The following SOX5 variants were observed in gnomAD, a reference collection of about 807,000 sequenced individuals.
SOX5 encodes SRY-box transcription factor 5.
A neutral mutation model predicts 92.0 loss-of-function variants in SOX5; 9 were observed. That is an observed-to-expected ratio of 0.10 (90% CI 0.06 to 0.17). SOX5 has a LOEUF of 0.17. SOX5 is among the 10% of genes least tolerant of loss of function. The pLI is 1.00. For synonymous variants in SOX5, 344 were observed against 336.3 expected, an observed-to-expected ratio of 1.02 and a Z score of -0.25; for missense variants, 642 against 944.5, an observed-to-expected ratio of 0.68 and a Z score of 4.20.
At chr12:23,660,760 C>T (rs2082929354) in intron 7 of SOX5, among the ~76,000 whole-genome samples, 1 of 151,618 alleles carries the variant, frequency 6.6e-6, no homozygotes, top group South Asian at 2.1e-4. Flanking sequence ...AGTTTCCAAA[C>T]TTTCTTTGAT....
At position 23,741,328 on chromosome 12, in the gene SOX5, G is replaced by T. The variant is rs140462370; in HGVS notation, c.569-289C>A. On this transcript the variant is annotated intron_variant, in intron 4 of 14. Transcript: ENST00000451604. ...TTGAATGTTTTTACACTTATGACCA[G>T]TAATAATCTATAGTTTTTTTTAACT... Among the ~76,000 whole-genome samples, 144 of 152,152 alleles carry T rather than the reference G, an allele frequency of 9.5e-4. 1 individual carries two copies. The East Asian group carries it at 0.023, about 24-fold the overall frequency.
At chr12:23,707,435 T>C (rs923396998) in intron 6 of SOX5, among the ~76,000 whole-genome samples, 2 of 152,078 alleles carry the variant, frequency 1.3e-5, no homozygotes, top group Admixed American at 6.6e-5. Flanking sequence ...GGAACATGAG[T>C]CAGACTGAAT....
chr12:23,816,046 CTTGTT>C (rs959093118), intron 3 of SOX5, among the ~76,000 whole-genome samples: 1 of 151,888 alleles, frequency 6.6e-6, no homozygotes, highest in African/African-American at 2.4e-5. Context: ...AAACATTATT[CTTGTT>C]TTAATTTTTT....
In SOX5 at chr12:24,393,832, CT is replaced by C. The variant is rs1371758403; in HGVS notation, c.-250-25194del. 6.6e-6 allele frequency among the ~76,000 whole-genome samples: 1 copy of C among 152,158 alleles called. No individual in the cohort carries two copies. Among genetic ancestry groups the C allele is most frequent in the Non-Finnish European group, 1.5e-5 (1 of 68,024 alleles). ...ATTACATATGCAATACAACACATAC[CT>C]CTTTCTTCAAAAGTTTAAAAGAGAA... On this transcript the variant is annotated intron_variant, in intron 1 of 4. Coordinates refer to the SOX5 transcript ENST00000446891. The surrounding 1 kb of genome is among the most constrained non-coding windows in gnomAD (Gnocchi z 5.0).
chr12:24,105,091 A>G (rs1034883439), intron 4 of SOX5, among the ~76,000 whole-genome samples: 3 of 152,198 alleles, frequency 2.0e-5, no homozygotes, highest in African/African-American at 7.2e-5. Context: ...TGTCATTTAT[A>G]TCATTGGTAG....
chr12:24,528,683 G>T (rs921348088), intron 1 of SOX5, among the ~76,000 whole-genome samples: 3 of 152,168 alleles, frequency 2.0e-5, no homozygotes, highest in African/African-American at 4.8e-5. Context: ...CAGGAAACCT[G>T]GGTCTCTGAC....
intron 2 of SOX5, among the ~76,000 whole-genome samples, chr12:23,873,018 GAA>G (rs1187161586): frequency 6.6e-6 from 1 of 152,144 alleles, no homozygotes; most frequent in Non-Finnish European, 1.5e-5. Flanking sequence ...ACAAAATACA[GAA>G]AAGTTTACTT....
chr12:23,752,995 T>C (rs186566852), intron 4 of SOX5, among the ~76,000 whole-genome samples: 20 of 151,886 alleles, frequency 1.3e-4, no homozygotes, highest in Admixed American at 1.1e-3. Flanking sequence ...GGTAAAATAA[T>C]CCAACATGAA....
rs74904384 is a variant in SOX5 at position 24,342,385 on chromosome 12, A to C, written c.-174+26178T>G. ...GATCCAGAACTAATATACCTTCATT[A>C]TCCTATTAGATCTCTCCATCTGGAT... On this transcript the variant is annotated intron_variant, in intron 2 of 4. Coordinates refer to the SOX5 transcript ENST00000446891. Among the ~76,000 whole-genome samples the C allele has an allele frequency of 2.0e-4, 30 of 152,316 alleles. 2 individuals are homozygous for C. The East Asian group carries it at 5.8e-3, about 29-fold the overall frequency.
At chr12:23,986,828 T>G (rs1030211556) in intron 4 of SOX5, among the ~76,000 whole-genome samples, 1 of 150,448 alleles carries the variant, frequency 6.6e-6, no homozygotes, top group Non-Finnish European at 1.5e-5. Flanking sequence ...GTTTGTTTTA[T>G]AGATTTTATC....
At chr12:23,692,764 C>A (rs2089104969) in intron 6 of SOX5, among the ~76,000 whole-genome samples, 1 of 152,154 alleles carries the variant, frequency 6.6e-6, no homozygotes, top group Non-Finnish European at 1.5e-5. Flanking sequence ...TTTTCCACAA[C>A]AGTGGCTGTT....
intron 3 of SOX5, among the ~76,000 whole-genome samples, chr12:23,765,385 C>CAAAAAAAAAAA (rs373571301): frequency 6.4e-5 from 2 of 31,432 alleles, no homozygotes; most frequent in African/African-American, 1.5e-4. Flanking sequence ...TGTAAAACAG[C>CAAAAAAAAAAA]AAAAAAAAAA....
At chr12:23,797,824 T>A (rs954659543) in intron 3 of SOX5, among the ~76,000 whole-genome samples, 1 of 152,074 alleles carries the variant, frequency 6.6e-6, no homozygotes. Context: ...ATGTAGCCTC[T>A]CTTTACCTCT....
chr12:24,361,347 G>A (rs1400096500), intron 2 of SOX5, among the ~76,000 whole-genome samples: 1 of 152,092 alleles, frequency 6.6e-6, no homozygotes, highest in African/African-American at 2.4e-5. Flanking sequence ...ACTCTGCCTG[G>A]GTGTGAATCC....
intron 6 of SOX5, among the ~76,000 whole-genome samples, chr12:23,699,844 G>A (rs956845348): frequency 2.6e-5 from 4 of 152,066 alleles, no homozygotes; most frequent in African/African-American, 7.2e-5. Context: ...TAAAATAAGG[G>A]GAAGCAGTGT....
chr12:24,115,991 C>A (rs1947948002), intron 4 of SOX5, among the ~76,000 whole-genome samples: 1 of 151,758 alleles, frequency 6.6e-6, no homozygotes, highest in South Asian at 2.1e-4. Flanking sequence ...TGAAGAGACA[C>A]AATTAATAGC....
intron 3 of SOX5, among the ~76,000 whole-genome samples, chr12:23,816,035 G>A (rs995649438): frequency 2.6e-5 from 4 of 152,022 alleles, no homozygotes; most frequent in Non-Finnish European, 5.9e-5. Context: ...CATGTGTCAT[G>A]AAACATTATT....
intron 6 of SOX5, among the ~76,000 whole-genome samples, chr12:23,726,118 C>CGAGAGAGAGAGAGAGAGAGA (rs60575337): frequency 4.8e-5 from 6 of 123,738 alleles, no homozygotes; most frequent in East Asian, 2.3e-4. Context: ...CATACATCCC[C>CGAGAGAGAGAGAGAGAGAGA]GAGAGAGAGA....
intron 6 of SOX5, among the ~76,000 whole-genome samples, chr12:23,717,591 G>A (rs780714754): frequency 7.9e-5 from 12 of 152,136 alleles, no homozygotes; most frequent in Non-Finnish European, 1.3e-4. Context: ...GTAAGCAGGT[G>A]GGTATGTAAG....
Sources: allele counts gnomAD v4.1 joint callset (sites outside exome capture counted in the v4.1 genomes callset), GRCh38; gene constraint gnomAD v4.1.1; non-coding constraint Gnocchi (gnomAD v3.1); transcripts MANE v1.5; gene names NCBI Gene and HGNC (gene_info 2026-07-23, HGNC 2026-07-21).